BRWD3: variants seen among roughly 807,000 people sequenced by gnomAD.
BRWD3 encodes bromodomain and WD repeat-containing protein 3.
Under a neutral mutation model 149.7 loss-of-function variants are expected in BRWD3, and 10 were observed. That is an observed-to-expected ratio of 0.07 (90% CI 0.04 to 0.11). The LOEUF is 0.11. Ranked by LOEUF, BRWD3 falls within the 10% of genes least tolerant of loss-of-function variation. The pLI, the probability that BRWD3 is intolerant of heterozygous loss-of-function variation, is 1.00. For missense variants in BRWD3, 940 were observed against 1,373.2 expected (o/e 0.68, Z 4.99); for synonymous variants, 504 against 456.7 (o/e 1.10, Z -1.32).
At chrX:80,678,604 CTGAG>C (rs1332649791) in intron 40 of BRWD3, among the ~76,000 whole-genome samples, 2 of 111,394 alleles carry the variant, frequency 1.8e-5, no homozygotes, top group South Asian at 3.8e-4. Flanking sequence ...GGAGAGCTCA[CTGAG>C]TGAGTAAGTA....
chrX:80,689,453 C>A (rs1450271130), intron 33 of BRWD3, among the ~76,000 whole-genome samples: 1 of 111,117 alleles, frequency 9.0e-6, no homozygotes, highest in Non-Finnish European at 1.9e-5. Flanking sequence ...CTGAAATTTC[C>A]ATCAACTAAG....
intron 24 of BRWD3, among the ~76,000 whole-genome samples, chrX:80,700,990 A>G (rs1288425634): frequency 1.8e-5 from 2 of 110,672 alleles, no homozygotes; most frequent in East Asian, 2.9e-4. Context: ...CAACTGTACT[A>G]TACTTCAAAT....
intron 6 of BRWD3, among the ~76,000 whole-genome samples, chrX:80,786,559 G>C (rs1047355184): frequency 1.8e-5 from 2 of 110,655 alleles, no homozygotes; most frequent in Non-Finnish European, 3.8e-5. Flanking sequence ...CGCCCAGGCT[G>C]GAATGCAGTC....
At chrX:80,685,386 T>C in intron 36 of BRWD3, 76 bp downstream of exon 36, 1 of 914,585 alleles carries the variant, frequency 1.1e-6, no homozygotes, top group Non-Finnish European at 1.6e-6. Flanking sequence ...TTACAAACTA[T>C]AAGATTCATG....
intron 20 of BRWD3, 129 bp from the exon 21 acceptor site, chrX:80,709,706 G>T: frequency 1.8e-6 from 1 of 550,079 alleles, no homozygotes; most frequent in Non-Finnish European, 2.9e-6. Flanking sequence ...CCAAAATAAA[G>T]TCAACATAGA....
chrX:80,735,101 T>C (rs777862361), intron 10 of BRWD3, 26 bp downstream of exon 10: 2 of 1,144,058 alleles, frequency 1.7e-6, no homozygotes, highest in East Asian at 6.0e-5. Flanking sequence ...TTCTAGATGC[T>C]CAAAACATTC....
rs765175433 is a variant in BRWD3, at chrX:80,691,991, TAA to T, written c.3326-15_3326-14del. 30 of 929,710 alleles carry T rather than the reference TAA, an allele frequency of 3.2e-5. No homozygotes were observed. The highest frequency in any genetic ancestry group is 8.5e-5 in the Admixed American group (3 of 35,225). The allele number at this position is 929,710 out of a possible 1,213,427, so 76.6% of individuals were successfully genotyped here. A position where few individuals can be genotyped will look rare whatever the true frequency, so the allele number is the denominator to read the frequency against. ...TCTGGAAAGGCAGCTAGGTATAAGA[TAA>T]AAAAAAAAAAATTAGAAAAAATTAT... On this transcript the variant is annotated splice_polypyrimidine_tract_variant and intron_variant, in intron 29 of 40. Transcript: ENST00000373275.
rs1442779248 is a variant in BRWD3 at position 80,681,429 on chromosome X, C to T, written c.4566G>A (p.Ser1522=). The change falls in exon 40 of 41, where the codon TCG becomes TCA. Residue 1522 remains serine, a synonymous_variant. Transcript: ENST00000373275. ...DDEPDGPFSS[S]SFGGYSRSGN... is the part of the protein sequence containing the mutation. ...CACTTCGGCTATATCCACCGAAGCT[C>T]GATGAAGAAAATGGCCCATCTGGCT... is the stretch of plus-strand genomic sequence containing the variant. The T allele has an allele frequency of 3.3e-6, 4 of 1,207,520 alleles. No individual in the cohort carries two copies. Among genetic ancestry groups the T allele is most frequent in the South Asian group, 3.5e-5 (2 of 56,702 alleles).
chrX:80,731,553 T>G (rs1427064462), intron 12 of BRWD3, among the ~76,000 whole-genome samples: 1 of 111,337 alleles, frequency 9.0e-6, no homozygotes, highest in Non-Finnish European at 1.9e-5. Flanking sequence ...ATCACTGTAA[T>G]TATTTGCTGT....
At chrX:80,690,153 T>G in intron 31 of BRWD3, 61 bp from the exon 32 acceptor site, 1 of 1,107,549 alleles carries the variant, frequency 9.0e-7, no homozygotes. Context: ...ATTTTAGGAA[T>G]ATACAATATG....
chrX:80,692,209 C>T (rs1451801975), intron 28 of BRWD3, 59 bp from the exon 29 acceptor site: 1 of 1,043,580 alleles, frequency 9.6e-7, no homozygotes, highest in East Asian at 3.0e-5. Context: ...CTTTCATATA[C>T]TACCACAATT....
intron 18 of BRWD3, 133 bp downstream of exon 18, chrX:80,719,356 C>CT: frequency 1.8e-6 from 1 of 555,160 alleles, no homozygotes; most frequent in Non-Finnish European, 2.7e-6. Flanking sequence ...TTCAATATAT[C>CT]TGATATCAAA....
chrX:80,686,445 T>TA (rs2072526110), intron 35 of BRWD3, among the ~76,000 whole-genome samples: 1 of 106,744 alleles, frequency 9.4e-6, no homozygotes, highest in Non-Finnish European at 1.9e-5. Context: ...ATATATAAAT[T>TA]AAAAAAAAGT....
At chrX:80,730,389 AAAAGAAAGAAAG>A (rs56311451) in intron 12 of BRWD3, among the ~76,000 whole-genome samples, 779 of 77,652 alleles carry the variant, frequency 0.01, 7 homozygotes, top group Middle Eastern at 0.028. Flanking sequence ...ATTATTTAGC[AAAAGAAAGAAAG>A]AAAGAAAGAA....
chrX:80,750,393 A>C (rs1450451859), intron 6 of BRWD3, among the ~76,000 whole-genome samples: 1 of 111,220 alleles, frequency 9.0e-6, no homozygotes, highest in African/African-American at 3.3e-5. Flanking sequence ...GCAAAAAAAA[A>C]ATGTAATTAA....
intron 6 of BRWD3, among the ~76,000 whole-genome samples, chrX:80,770,530 G>C (rs761484464): frequency 9.0e-6 from 1 of 111,167 alleles, no homozygotes; most frequent in East Asian, 2.8e-4. Context: ...ATGCAGAAAA[G>C]GCCTTTGACA....
At position 80,671,822 on chromosome X, in the gene BRWD3, T is replaced by C. The variant is rs2072325586; in HGVS notation, c.*4787A>G. ...CAAAAAAAAGGTACAGTTATGTTAA[T>C]ACTGTGTAAGACATTACAAAAGACA... is the stretch of plus-strand genomic sequence containing the variant. On this transcript the variant is annotated 3_prime_UTR_variant, in exon 41 of 41. Coordinates refer to ENST00000373275, the MANE Select transcript of BRWD3 (RefSeq NM_153252.5). The C allele has an allele frequency of 8.9e-6, 1 of 111,920 alleles. No individual in the cohort carries two copies. The highest frequency in any genetic ancestry group is 2.8e-4 in the East Asian group (1 of 3,575). 9.2% of individuals were successfully genotyped at this position (111,920 alleles called of 1,213,427 possible).
chrX:80,769,884 T>A (rs186011864), intron 6 of BRWD3, among the ~76,000 whole-genome samples: 1,172 of 108,319 alleles, frequency 0.011, 10 homozygotes, highest in African/African-American at 0.038. Flanking sequence ...GAGAGAAGAA[T>A]CAAATAGATG....
chrX:80,723,679 G>T, intron 16 of BRWD3, 69 bp downstream of exon 16: 1 of 1,124,382 alleles, frequency 8.9e-7, no homozygotes, highest in South Asian at 1.8e-5. Flanking sequence ...TAACTGGAGG[G>T]CTTTAAACAA....
Sources: allele counts gnomAD v4.1 joint callset (sites outside exome capture counted in the v4.1 genomes callset), GRCh38; gene constraint gnomAD v4.1.1; transcripts MANE v1.5; gene names NCBI Gene and HGNC (gene_info 2026-07-23, HGNC 2026-07-21).